GLUL: variants seen among roughly 807,000 people sequenced by gnomAD.
GLUL encodes glutamine synthetase.
Under a neutral mutation model 36.9 loss-of-function variants are expected in GLUL, and 8 were observed. That is an observed-to-expected ratio of 0.22 (90% CI 0.13 to 0.39). The LOEUF is 0.39. Ranked by LOEUF, GLUL falls within the 10% of genes least tolerant of loss-of-function variation. The pLI is 1.00. For missense variants in GLUL, 315 were observed against 501.8 expected (o/e 0.63, Z 3.56); for synonymous variants, 182 against 172.8 (o/e 1.05, Z -0.42).
chr1:182,386,571 G>A lies in GLUL; in HGVS notation c.329-169C>T, dbSNP rs564182467. 79 of 698,670 alleles carry A rather than the reference G, an allele frequency of 1.1e-4. 1 individual carries two copies. The African/African-American group carries it at 1.2e-3, about 11-fold the overall frequency. The allele number at this position is 698,670 out of a possible 1,614,324, so 43.3% of individuals were successfully genotyped here. ...GGATCACCGAGTCAGAAAAATGAGAGAAGCTGTTAATTGTACATCTGTAGG... is the reference window on the plus strand; with the variant it reads ...GGATCACCGAGTCAGAAAAATGAGAAAAGCTGTTAATTGTACATCTGTAGG... On this transcript the variant is annotated intron_variant, in intron 3 of 6. Transcript: ENST00000331872.
rs895290811 is a variant in GLUL, at chr1:182,381,817, G to A, written c.*2588C>T. ...CTTCAGTTGGGGGGGTGGAAGCACA[G>A]ATTCAATGGAAATAAGGGTATACAT... On this transcript the variant is annotated 3_prime_UTR_variant, in exon 7 of 7. Coordinates refer to ENST00000331872, the MANE Select transcript of GLUL (RefSeq NM_001033044.4). The A allele has an allele frequency of 1.3e-5, 2 of 152,252 alleles. No homozygotes were observed. Among genetic ancestry groups the A allele is most frequent in the African/African-American group, 4.8e-5 (2 of 41,446 alleles). 9.4% of individuals were successfully genotyped at this position (152,252 alleles called of 1,614,324 possible). A position where few individuals can be genotyped will look rare whatever the true frequency, so the allele number is the denominator to read the frequency against.
At position 182,378,382 on chromosome 1, in the gene GLUL, C is replaced by T. The variant is rs1387017844; in HGVS notation, c.*6023G>A. Among the ~76,000 whole-genome samples, 2 of 152,196 alleles carry T rather than the reference C, an allele frequency of 1.3e-5. No homozygotes were observed. Among genetic ancestry groups the T allele is most frequent in the African/African-American group, 4.8e-5 (2 of 41,452 alleles). ...TAACATGCACTAGGATATCACTCTC[C>T]TATATTAGAGGAGCTCCAAGCAGTG... On this transcript the variant is annotated 3_prime_UTR_variant, in exon 7 of 7. Transcript: ENST00000331872.
intron 6 of GLUL, chr1:182,384,977 CTAAT>C (rs1237656286): frequency 9.9e-5 from 49 of 493,812 alleles, no homozygotes; most frequent in Non-Finnish European, 1.1e-5. Flanking sequence ...TGTATTGTTA[CTAAT>C]TTAGTTCTAA....
In GLUL at chr1:182,380,837, A is replaced by G. The variant is rs1558150475; in HGVS notation, c.*3568T>C. Among the ~76,000 whole-genome samples the G allele has an allele frequency of 6.6e-6, 1 of 152,252 alleles. No individual in the cohort carries two copies. The highest frequency in any genetic ancestry group is 1.5e-5 in the Non-Finnish European group (1 of 68,042). Reference sequence around the variant, plus strand: ...AGAAAGTCCTGTCGAATGATGAGACATCTTTCTTTGGGGCAGCAAGTTACT... The same window carrying G: ...AGAAAGTCCTGTCGAATGATGAGACGTCTTTCTTTGGGGCAGCAAGTTACT... On this transcript the variant is annotated 3_prime_UTR_variant, in exon 7 of 7. Coordinates refer to ENST00000331872, the MANE Select transcript of GLUL (RefSeq NM_001033044.4).
chr1:182,390,653 C>T (rs1005174632), intron 1 of GLUL: 18 of 399,380 alleles, frequency 4.5e-5, no homozygotes, highest in Non-Finnish European at 7.9e-5. Flanking sequence ...CAGACAGCGG[C>T]CGGCCCGGGG....
Position 182,384,636 on chromosome 1 carries a change from G to A in GLUL, c.891C>T (p.Ala297=). The A allele has an allele frequency of 6.2e-7, 1 of 1,614,144 alleles. No homozygotes were observed. Residue 297 remains alanine (A), a synonymous_variant, in exon 7 of 7, where the codon GCC becomes GCT. Coordinates refer to ENST00000331872, the MANE Select transcript of GLUL (RefSeq NM_001033044.4). ...TTTCATGGAATCCAGTTAGACGTCG[G>A]GCATTGTCCAGGCCTCCCTTGGGAT... ...AYDPKGGLDN[A]RRLTGFHETS...
intron 1 of GLUL, 147 bp downstream of exon 1, chr1:182,391,532 G>C: frequency 3.5e-6 from 1 of 288,898 alleles, no homozygotes; most frequent in Non-Finnish European, 6.4e-6. Flanking sequence ...ACTCATGCCG[G>C]ATCTCAGGCA....
At position 182,378,846 on chromosome 1, in the gene GLUL, T is replaced by G. The variant is rs1005118304; in HGVS notation, c.*5559A>C. On this transcript the variant is annotated 3_prime_UTR_variant, in exon 7 of 7. Transcript: ENST00000331872. ...AGGCTGGAGTGCAATGGTGCAAGCT[T>G]GGCTCACTGCAACCTCCGGCTCTTG... Among the ~76,000 whole-genome samples the G allele has an allele frequency of 4.6e-5, 7 of 152,136 alleles. No homozygotes were observed. The highest frequency in any genetic ancestry group is 1.3e-4 in the Admixed American group (2 of 15,268).
In GLUL at chr1:182,378,575, C is replaced by G. The variant is rs551290808; in HGVS notation, c.*5830G>C. Among the ~76,000 whole-genome samples the G allele has an allele frequency of 2.0e-5, 3 of 152,096 alleles. No homozygotes were observed. Among genetic ancestry groups the G allele is most frequent in the Non-Finnish European group, 4.4e-5 (3 of 68,024 alleles). On this transcript the variant is annotated 3_prime_UTR_variant, in exon 7 of 7. Transcript: ENST00000331872. ...CCTAGTGACAACTTTCTCATCTCGGCGAATTCTCTTGTGTACTGTTTCTGG... is the reference window on the plus strand; with the variant it reads ...CCTAGTGACAACTTTCTCATCTCGGGGAATTCTCTTGTGTACTGTTTCTGG...
At position 182,385,484 on chromosome 1, in the gene GLUL, G is replaced by C. The variant is rs2101932261; in HGVS notation, c.676C>G (p.His226Asp). The stretch of plus-strand genomic sequence containing the variant: ...ACTCCAAAGTCTTCACACACACGAT[G>C]CAAGATGAAACGGGCCACCCAGAGA... ...DHLWVARFIL[H>D]RVCEDFGVIA... is the part of the protein sequence containing the mutation. The change falls in exon 6 of 7, where the codon CAT becomes GAT. Residue 226 changes from histidine to aspartate, a missense_variant. By Grantham distance (81) the His-to-Asp change is moderately conservative. Around this residue, in one of 3 missense-constraint regions of GLUL, gnomAD observed 256 missense variants for 396.1 expected, o/e 0.65. Transcript: ENST00000331872. The C allele has an allele frequency of 6.2e-7, 1 of 1,613,904 alleles. No homozygotes were observed. The highest frequency in any genetic ancestry group is 8.5e-7 in the Non-Finnish European group (1 of 1,179,794).
intron 6 of GLUL, chr1:182,385,041 T>C (rs1571405092): frequency 3.0e-5 from 2 of 67,654 alleles, no homozygotes; most frequent in African/African-American, 5.5e-4. Context: ...CACCATGACA[T>C]ATGTCACAAA....
At chr1:182,386,521 A>G in intron 3 of GLUL, 119 bp from the exon 4 acceptor site, 1 of 843,562 alleles carries the variant, frequency 1.2e-6, no homozygotes, top group Non-Finnish European at 2.1e-6. Flanking sequence ...CTATGGTATG[A>G]ACTGACCCAG....
rs1650390673 is a variant in GLUL at position 182,390,996 on chromosome 1, G to A, written c.-14+683C>T. 5 of 397,842 alleles carry A rather than the reference G, an allele frequency of 1.3e-5. No homozygotes were observed. In the East Asian group the frequency reaches 1.8e-4, roughly 14 times the overall value. The allele number at this position is 397,842 out of a possible 1,614,324, so 24.6% of individuals were successfully genotyped here. ...GAGGTGGCCATACCCTGCCGCCGAG[G>A]GGTTGGGGGGTCCGGGGGAGGGTGG... On this transcript the variant is annotated intron_variant, in intron 1 of 6. Coordinates refer to ENST00000331872, the MANE Select transcript of GLUL (RefSeq NM_001033044.4).
chr1:182,386,850 T>C (rs1650203769), intron 3 of GLUL: 2 of 528,248 alleles, frequency 3.8e-6, no homozygotes, highest in African/African-American at 3.8e-5. Context: ...TGTCCTGGCC[T>C]ACATTCCAGG....
Position 182,379,735 on chromosome 1 carries a change from C to T in GLUL, c.*4670G>A, listed in dbSNP as rs1052526902. ...ATTTTTTGTAGAGATGGGGTTTTGT[C>T]ATGTTGCCCAGGCTAGTCTCGAACT... On this transcript the variant is annotated 3_prime_UTR_variant, in exon 7 of 7. Transcript: ENST00000331872. Among the ~76,000 whole-genome samples the T allele has an allele frequency of 6.6e-6, 1 of 151,464 alleles. No individual in the cohort carries two copies. The highest frequency in any genetic ancestry group is 1.5e-5 in the Non-Finnish European group (1 of 67,864).
chr1:182,384,574 T>C lies in GLUL; in HGVS notation c.953A>G (p.Asn318Ser), dbSNP rs1039247587. The change falls in exon 7 of 7, where the codon AAT becomes AGT. Residue 318 changes from asparagine (N) to serine (S), a missense_variant. Coordinates refer to ENST00000331872, the MANE Select transcript of GLUL (RefSeq NM_001033044.4). ...GGGAATGCGTATGCTGGCGCTACGATTGGCTACACCAGCAGAAAAGTCGTT... is the reference window on the plus strand; with the variant it reads ...GGGAATGCGTATGCTGGCGCTACGACTGGCTACACCAGCAGAAAAGTCGTT... Reference protein sequence around the residue: ...NINDFSAGVANRSASIRIPRT... With the variant: ...NINDFSAGVASRSASIRIPRT... 3.7e-6 allele frequency: 6 copies of C among 1,614,078 alleles called. No individual in the cohort carries two copies. In the South Asian group the frequency reaches 4.4e-5, roughly 12 times the overall value.
intron 5 of GLUL, 95 bp from the exon 6 acceptor site, chr1:182,385,651 C>A (rs1650143720): frequency 6.4e-7 from 1 of 1,558,584 alleles, no homozygotes; most frequent in African/African-American, 1.4e-5. Flanking sequence ...GTACTCCAAC[C>A]CGTTCTTAGG....
Position 182,380,145 on chromosome 1 carries a change from G to A in GLUL, c.*4260C>T, listed in dbSNP as rs1377957065. ...TTATAGGCATGAGCCACTGTGCCTG[G>A]CAGTTATAACTCTTAAAGCAACACA... On this transcript the variant is annotated 3_prime_UTR_variant, in exon 7 of 7. Transcript: ENST00000331872. Among the ~76,000 whole-genome samples the A allele has an allele frequency of 6.6e-6, 1 of 152,208 alleles. No individual in the cohort carries two copies. The highest frequency in any genetic ancestry group is 1.5e-5 in the Non-Finnish European group (1 of 68,040).
rs769066876 is a variant in GLUL, at chr1:182,385,886, A to G, written c.477T>C (p.Gly159=). ...WPSNGFPGPQ[G]PYYCGVGADR... is the part of the protein sequence containing the mutation. ...CTGCTCCCACACCACAGTAATATGG[A>G]CCTACAGAAGCATCAGGACAAAACA... is the stretch of plus-strand genomic sequence containing the variant. Residue 159 remains glycine, a splice_region_variant and synonymous_variant, in exon 5 of 7, where the codon GGT becomes GGC. Transcript: ENST00000331872. The G allele has an allele frequency of 6.2e-7, 1 of 1,613,688 alleles. No individual in the cohort carries two copies. The highest frequency in any genetic ancestry group is 8.5e-7 in the Non-Finnish European group (1 of 1,179,614).
Sources: allele counts gnomAD v4.1 joint callset (sites outside exome capture counted in the v4.1 genomes callset), GRCh38; gene constraint gnomAD v4.1.1; regional missense constraint gnomAD v4.1.1; transcripts MANE v1.5; gene names NCBI Gene and HGNC (gene_info 2026-07-23, HGNC 2026-07-21).